Variants in DISP3 observed in about 807,000 individuals in gnomAD.
DISP3 encodes protein dispatched homolog 3.
A neutral mutation model predicts 135.3 loss-of-function variants in DISP3; 101 were observed. That is an observed-to-expected ratio of 0.75 (90% CI 0.64 to 0.88). The LOEUF (loss-of-function observed/expected upper bound fraction) is 0.88. Ranked by LOEUF, DISP3 falls within the 40% of genes least tolerant of loss-of-function variation. The probability of loss-of-function intolerance (pLI) is 0.00; values close to 1 mark genes in which losing one functional copy is unlikely to be tolerated. For missense variants in DISP3, 1,713 were observed against 1,878.6 expected (o/e 0.91, Z 1.63); for synonymous variants, 856 against 817.0 (o/e 1.05, Z -0.81).
intron 18 of DISP3, 125 bp from the exon 19 acceptor site, chr1:11,534,886 C>T: frequency 1.1e-6 from 1 of 917,652 alleles, no homozygotes; most frequent in Middle Eastern, 2.1e-4. Context: ...AGGGTAGGTC[C>T]TGTTATGACC....
chr1:11,530,250 C>A (rs1020995387), intron 15 of DISP3, among the ~76,000 whole-genome samples: 5 of 152,220 alleles, frequency 3.3e-5, no homozygotes, highest in African/African-American at 1.2e-4. Context: ...TCCGTGCCCT[C>A]CTCCTTGCCC....
At chr1:11,525,031 A>C (rs1049848381) in intron 11 of DISP3, 145 bp from the exon 12 acceptor site, 2 of 960,112 alleles carry the variant, frequency 2.1e-6, no homozygotes, top group Non-Finnish European at 3.1e-6. Flanking sequence ...GGTCCAGTAG[A>C]GAGGGGCACA....
In DISP3 at chr1:11,501,899, C is replaced by T. The variant is rs780994107; in HGVS notation, c.907C>T (p.Arg303Cys). ...ERLVTIHEIE[R>C]KIMDHPGFRE... Reference sequence around the variant, plus strand: ...CCTGGTCACGATCCATGAGATCGAGCGCAAGATCATGGACCACCCAGGCTT... The same window carrying T: ...CCTGGTCACGATCCATGAGATCGAGTGCAAGATCATGGACCACCCAGGCTT... Residue 303 changes from arginine (R) to cysteine (C), a missense_variant, in exon 2 of 21, where the codon CGC (arginine) becomes TGC (cysteine). Arg to Cys is a radical substitution (Grantham distance 180). Around this residue, in one of 2 missense-constraint regions of DISP3, gnomAD observed 571 missense variants for 494.1 expected, o/e 1.16. Coordinates refer to ENST00000294484, the MANE Select transcript of DISP3 (RefSeq NM_020780.2). This position sits in a 1 kb window ranked among gnomAD's most constrained non-coding sequence, Gnocchi z 4.9. The T allele has an allele frequency of 2.5e-6, 4 of 1,613,382 alleles. No homozygotes were observed. The highest frequency in any genetic ancestry group is 2.2e-5 in the East Asian group (1 of 44,876).
At chr1:11,498,386 G>A (rs965492664) in intron 1 of DISP3, among the ~76,000 whole-genome samples, 1 of 152,012 alleles carries the variant, frequency 6.6e-6, no homozygotes, top group Non-Finnish European at 1.5e-5. Flanking sequence ...CTGTCAGGTT[G>A]GTTGTCAGCA....
chr1:11,500,025 T>C (rs758196261), intron 1 of DISP3, among the ~76,000 whole-genome samples: 30 of 152,238 alleles, frequency 2.0e-4, no homozygotes, highest in Non-Finnish European at 4.3e-4. Flanking sequence ...CTCCTCTCTT[T>C]GGGCCACCCC....
chr1:11,490,267 GT>G (rs1426730234), intron 1 of DISP3, among the ~76,000 whole-genome samples: 2 of 152,000 alleles, frequency 1.3e-5, no homozygotes, highest in African/African-American at 4.8e-5. Flanking sequence ...TTTTGTTTTT[GT>G]TTTTGTTTTT....
chr1:11,526,424 T>A (rs974455644), intron 12 of DISP3, among the ~76,000 whole-genome samples: 1 of 152,186 alleles, frequency 6.6e-6, no homozygotes, highest in Non-Finnish European at 1.5e-5. Context: ...ACTCAGTGAA[T>A]GATTGTTGAA....
At chr1:11,508,461 T>A (rs999733841) in intron 3 of DISP3, among the ~76,000 whole-genome samples, 1 of 152,102 alleles carries the variant, frequency 6.6e-6, no homozygotes, top group Non-Finnish European at 1.5e-5. Flanking sequence ...TATAAAATAA[T>A]TTATAATATT....
rs191857810 is a variant in DISP3 at position 11,486,835 on chromosome 1, G to A, written c.-4+7463G>A. On this transcript the variant is annotated intron_variant, in intron 1 of 20. Transcript: ENST00000294484. ...TGGGACTACGGGTGCGCATGACCAC[G>A]CGCCGGATAAGTTTTTTACTTTTAG... Among the ~76,000 whole-genome samples, 89 of 152,128 alleles carry A rather than the reference G, an allele frequency of 5.9e-4. 2 individuals are homozygous for A. Among genetic ancestry groups the A allele is most frequent in the African/African-American group, 2.1e-3 (86 of 41,510 alleles).
Position 11,519,354 on chromosome 1 carries a change from G to T in DISP3, c.1890-1G>T. On this transcript the variant is annotated splice_acceptor_variant, in intron 7 of 20. Transcript: ENST00000294484. LOFTEE classifies it high-confidence loss of function. This position sits in a 1 kb window ranked among gnomAD's most constrained non-coding sequence, Gnocchi z 4.3. ...ACCCCTGTCCCCTACTCTCTCCACAGCTGCCACCAGAATTGCAGCCGGAAG... is the reference window on the plus strand; with the variant it reads ...ACCCCTGTCCCCTACTCTCTCCACATCTGCCACCAGAATTGCAGCCGGAAG... 6.2e-7 allele frequency: 1 copy of T among 1,613,486 alleles called. No homozygotes were observed. The highest frequency in any genetic ancestry group is 8.5e-7 in the Non-Finnish European group (1 of 1,179,894).
At chr1:11,523,848 A>G in intron 10 of DISP3, 94 bp from the exon 11 acceptor site, 1 of 971,122 alleles carries the variant, frequency 1.0e-6, no homozygotes, top group Non-Finnish European at 1.6e-6. Context: ...AGTTCCTGAG[A>G]CTGTCTCAGA....
At chr1:11,532,510 CTATT>C (rs1485200018) in intron 17 of DISP3, among the ~76,000 whole-genome samples, 3 of 152,196 alleles carry the variant, frequency 2.0e-5, no homozygotes, top group Non-Finnish European at 4.4e-5. Flanking sequence ...TTCCTTCCCA[CTATT>C]TATTTGTGTT....
intron 13 of DISP3, 103 bp downstream of exon 13, chr1:11,526,938 C>T (rs1364749839): frequency 2.9e-6 from 4 of 1,360,100 alleles, no homozygotes; most frequent in Admixed American, 5.6e-5. Context: ...CCAGCAGGCC[C>T]CCTCACTTTT....
chr1:11,509,981 C>T (rs1251977960), intron 3 of DISP3, among the ~76,000 whole-genome samples: 1 of 152,042 alleles, frequency 6.6e-6, no homozygotes, highest in African/African-American at 2.4e-5. Context: ...TGCCTGTAGT[C>T]CAAGCTATTG....
rs1458010172 is a variant in DISP3 at position 11,519,681 on chromosome 1, G to C, written c.2039-38G>C. The C allele has an allele frequency of 6.3e-6, 10 of 1,599,798 alleles. No individual in the cohort carries two copies. The highest frequency in any genetic ancestry group is 6.8e-6 in the Non-Finnish European group (8 of 1,171,844). ...GCGAGCGTGGACCACAGTGGGCTTT[G>C]ATTCAGGCTCTGACGGGCCACTGCT... On this transcript the variant is annotated intron_variant, in intron 8 of 20. Transcript: ENST00000294484. The surrounding 1 kb of genome is among the most constrained non-coding windows in gnomAD (Gnocchi z 4.3).
Position 11,535,465 on chromosome 1 carries a change from T to C in DISP3, c.3650-13T>C. ...GGGGGATCCGAGCTGCCCCCCCTGCTGTCTCCTTGCAGGCATCGTGTGCCT... is the reference window on the plus strand; with the variant it reads ...GGGGGATCCGAGCTGCCCCCCCTGCCGTCTCCTTGCAGGCATCGTGTGCCT... On this transcript the variant is annotated splice_polypyrimidine_tract_variant and intron_variant, in intron 19 of 20. Transcript: ENST00000294484. 1 of 1,596,404 alleles carries C rather than the reference T, an allele frequency of 6.3e-7. No individual in the cohort carries two copies. The highest frequency in any genetic ancestry group is 8.6e-7 in the Non-Finnish European group (1 of 1,168,720).
intron 7 of DISP3, among the ~76,000 whole-genome samples, chr1:11,518,759 C>T (rs1217799693): frequency 6.6e-6 from 1 of 152,178 alleles, no homozygotes; most frequent in Non-Finnish European, 1.5e-5. Context: ...CACTGTGATA[C>T]CTGGGTTCAT....
chr1:11,517,654 A>G lies in DISP3; in HGVS notation c.1889+52A>G, dbSNP rs570149062. 5.6e-6 allele frequency: 9 copies of G among 1,598,984 alleles called. No individual in the cohort carries two copies. In the East Asian group the frequency reaches 6.7e-5, roughly 12 times the overall value. The stretch of plus-strand genomic sequence containing the variant: ...AGCAGGGTATCCACAACAGGCCTCT[A>G]TGAGCCACTCAGTGCAGCAACCTCT... On this transcript the variant is annotated intron_variant, in intron 7 of 20. Coordinates refer to ENST00000294484, the MANE Select transcript of DISP3 (RefSeq NM_020780.2).
At chr1:11,534,892 T>C in intron 18 of DISP3, 119 bp from the exon 19 acceptor site, 2 of 955,116 alleles carry the variant, frequency 2.1e-6, no homozygotes, top group South Asian at 1.4e-5. Flanking sequence ...GGTCCTGTTA[T>C]GACCCCATTT....
Sources: gnomAD v4.1 joint callset for allele counts (sites outside exome capture counted in the v4.1 genomes callset) on GRCh38, gnomAD v4.1.1 for gene constraint, gnomAD v4.1.1 regional missense constraint, Gnocchi (gnomAD v3.1) non-coding constraint, MANE v1.5 for transcripts, NCBI Gene and HGNC (gene_info 2026-07-23, HGNC 2026-07-21) for gene names.